SLC24A3: variants seen among roughly 807,000 people sequenced by gnomAD.
The protein encoded by SLC24A3 is sodium/potassium/calcium exchanger 3.
Under a neutral mutation model 75.8 loss-of-function variants are expected in SLC24A3, and 28 were observed. That is an observed-to-expected ratio of 0.37 (90% CI 0.27 to 0.51). The LOEUF (loss-of-function observed/expected upper bound fraction) is 0.51, where lower values mean the gene tolerates loss of function less well. Ranked by LOEUF, SLC24A3 falls within the 20% of genes least tolerant of loss-of-function variation. SLC24A3 has a pLI of 0.94. For missense variants in SLC24A3, 663 were observed against 847.8 expected (o/e 0.78, Z 2.71); for synonymous variants, 372 against 334.1 (o/e 1.11, Z -1.24).
chr20:19,688,641 G>C (rs573952023), intron 12 of SLC24A3, among the ~76,000 whole-genome samples: 7 of 152,230 alleles, frequency 4.6e-5, no homozygotes, highest in Non-Finnish European at 7.3e-5. Context: ...CCGTCCACAT[G>C]ATGAGGACAT....
intron 7 of SLC24A3, among the ~76,000 whole-genome samples, chr20:19,658,693 G>A (rs2032291973): frequency 6.6e-6 from 1 of 152,242 alleles, no homozygotes; most frequent in Middle Eastern, 3.4e-3. Context: ...CTCTGAAAGC[G>A]TTGAGAAGGC....
In SLC24A3 at chr20:19,670,946, A is replaced by C. The variant is rs143698728; in HGVS notation, c.714-2655A>C. On this transcript the variant is annotated intron_variant, in intron 8 of 16. Coordinates refer to ENST00000328041, the MANE Select transcript of SLC24A3 (RefSeq NM_020689.4). ...AAATCTCTGGATAATGAGACACCAG[A>C]TACCAGGGAAGGTGTCAGGTGTGAG... Among the ~76,000 whole-genome samples, 12 of 152,340 alleles carry C rather than the reference A, an allele frequency of 7.9e-5. No individual in the cohort carries two copies. The East Asian group carries it at 2.3e-3, about 29-fold the overall frequency.
chr20:19,228,316 G>A (rs1210166878), intron 1 of SLC24A3, among the ~76,000 whole-genome samples: 3 of 152,080 alleles, frequency 2.0e-5, no homozygotes, highest in African/African-American at 4.8e-5. Context: ...TGCTGTGGAA[G>A]TTTCCTTTCA....
intron 8 of SLC24A3, among the ~76,000 whole-genome samples, chr20:19,668,136 G>A (rs1213497225): frequency 2.0e-5 from 3 of 152,180 alleles, no homozygotes; most frequent in Admixed American, 6.5e-5. Context: ...GCACTGGCCT[G>A]TCGTGTAACT....
intron 2 of SLC24A3, among the ~76,000 whole-genome samples, chr20:19,507,801 C>G (rs1988482183): frequency 6.6e-6 from 1 of 152,168 alleles, no homozygotes; most frequent in Non-Finnish European, 1.5e-5. Flanking sequence ...GCTGTCCCTC[C>G]CAACACCATT....
rs569276756 is a variant in SLC24A3, at chr20:19,361,887, A to T, written c.271+80800A>T. Among the ~76,000 whole-genome samples the T allele has an allele frequency of 3.3e-5, 5 of 152,334 alleles. No homozygotes were observed. The East Asian group carries it at 9.6e-4, about 29-fold the overall frequency. Reference sequence around the variant, plus strand: ...TTTTCCTAATAAAATATTCCAAAAGAAAATCTAGGCTGGGAAAACTAACAA... The same window carrying T: ...TTTTCCTAATAAAATATTCCAAAAGTAAATCTAGGCTGGGAAAACTAACAA... On this transcript the variant is annotated intron_variant, in intron 2 of 16. Transcript: ENST00000328041.
chr20:19,719,522 C>G (rs550245131), intron 16 of SLC24A3, among the ~76,000 whole-genome samples: 2 of 151,530 alleles, frequency 1.3e-5, no homozygotes, highest in African/African-American at 2.4e-5. Flanking sequence ...AGCTCTGTGC[C>G]GTGGGGATAA....
At chr20:19,361,555 T>G (rs1314718156) in intron 2 of SLC24A3, among the ~76,000 whole-genome samples, 1 of 152,228 alleles carries the variant, frequency 6.6e-6, no homozygotes, top group Non-Finnish European at 1.5e-5. Flanking sequence ...TTGATAGAGC[T>G]TTGGGTTACA....
At chr20:19,620,300 AG>A (rs1185947428) in intron 6 of SLC24A3, among the ~76,000 whole-genome samples, 21 of 152,190 alleles carry the variant, frequency 1.4e-4, no homozygotes, top group African/African-American at 5.1e-4. Context: ...GGGAGTCTTA[AG>A]TGTCTGTGTG....
intron 3 of SLC24A3, among the ~76,000 whole-genome samples, chr20:19,522,940 CT>C (rs1217163825): frequency 6.6e-6 from 1 of 152,074 alleles, no homozygotes; most frequent in African/African-American, 2.4e-5. Context: ...TTTAAAATCT[CT>C]TTTACCAATT....
intron 2 of SLC24A3, among the ~76,000 whole-genome samples, chr20:19,381,424 C>T (rs1986179894): frequency 6.6e-6 from 1 of 152,102 alleles, no homozygotes; most frequent in Non-Finnish European, 1.5e-5. Context: ...CTGGGAGGCC[C>T]TCTTTGAAGA....
chr20:19,675,752 G>T (rs2032514455), intron 9 of SLC24A3, among the ~76,000 whole-genome samples: 1 of 152,176 alleles, frequency 6.6e-6, no homozygotes, highest in Non-Finnish European at 1.5e-5. Context: ...GAAAACCAGA[G>T]TTGATCCAAA....
rs145710683 is a variant in SLC24A3 at position 19,458,804 on chromosome 20, A to G, written c.272-56684A>G. On this transcript the variant is annotated intron_variant, in intron 2 of 16. Transcript: ENST00000328041. ...CTTTTTTGTTGTTAATACATACCCT[A>G]TGGCCATCCATTTTTTAAATAAGAA... Among the ~76,000 whole-genome samples, 795 of 152,276 alleles carry G rather than the reference A, an allele frequency of 5.2e-3. 6 individuals are homozygous for G. The highest frequency in any genetic ancestry group is 0.018 in the African/African-American group (766 of 41,548).
chr20:19,280,536 C>A lies in SLC24A3; in HGVS notation c.143-423C>A, dbSNP rs549547359. On this transcript the variant is annotated intron_variant, in intron 1 of 16. Coordinates refer to ENST00000328041, the MANE Select transcript of SLC24A3 (RefSeq NM_020689.4). ...ACCATTTTCAATGATGTCATGTGGG[C>A]AGCTTGGCATTGGCTACAATGGGAA... Among the ~76,000 whole-genome samples, 15 of 152,270 alleles carry A rather than the reference C, an allele frequency of 9.9e-5. No homozygotes were observed. The East Asian group carries it at 2.7e-3, about 27-fold the overall frequency.
intron 2 of SLC24A3, among the ~76,000 whole-genome samples, chr20:19,407,549 G>C (rs577102328): frequency 6.6e-6 from 1 of 152,310 alleles, no homozygotes; most frequent in Admixed American, 6.5e-5. Flanking sequence ...GCAGCAGAGA[G>C]AGCTCTTCGT....
chr20:19,691,359 T>A (rs1342944601), intron 12 of SLC24A3, among the ~76,000 whole-genome samples: 3 of 152,088 alleles, frequency 2.0e-5, no homozygotes, highest in African/African-American at 7.2e-5. Flanking sequence ...GGAAAAGGCT[T>A]GGAGTGTCTG....
chr20:19,449,893 G>T (rs760054216), intron 2 of SLC24A3, among the ~76,000 whole-genome samples: 1 of 152,194 alleles, frequency 6.6e-6, no homozygotes, highest in Non-Finnish European at 1.5e-5. Flanking sequence ...GCATTAAGTA[G>T]AAAATAAGGG....
At chr20:19,508,202 C>T (rs1004873441) in intron 2 of SLC24A3, among the ~76,000 whole-genome samples, 10 of 152,300 alleles carry the variant, frequency 6.6e-5, no homozygotes, top group South Asian at 2.1e-4. Context: ...GATGAAAGCA[C>T]GTGAAACAGA....
chr20:19,628,141 T>C (rs1239954196), intron 6 of SLC24A3, among the ~76,000 whole-genome samples: 2 of 140,144 alleles, frequency 1.4e-5, no homozygotes, highest in Non-Finnish European at 3.1e-5. Context: ...GAGGCGGAGG[T>C]TGCAGTGAGC....
Sources: gnomAD v4.1 joint callset for allele counts (sites outside exome capture counted in the v4.1 genomes callset) on GRCh38, gnomAD v4.1.1 for gene constraint, MANE v1.5 for transcripts, NCBI Gene and HGNC (gene_info 2026-07-23, HGNC 2026-07-21) for gene names.